C19orf47: variants seen among roughly 807,000 people sequenced by gnomAD.
C19orf47 encodes chromosome 19 open reading frame 47.
A neutral mutation model predicts 32.3 loss-of-function variants in C19orf47; 18 were observed. That is an observed-to-expected ratio of 0.56 (90% CI 0.39 to 0.83). The LOEUF (loss-of-function observed/expected upper bound fraction) is 0.83, where lower values mean the gene tolerates loss of function less well. Ranked by LOEUF, C19orf47 falls within the 40% of genes least tolerant of loss-of-function variation. C19orf47 has a pLI of 0.00. For missense variants in C19orf47, 484 were observed against 531.6 expected (o/e 0.91, Z 0.88); for synonymous variants, 202 against 211.1 (o/e 0.96, Z 0.37).
At chr19:40,336,438 A>G in intron 2 of C19orf47, 31 bp from the exon 3 acceptor site, 1 of 1,572,350 alleles carries the variant, frequency 6.4e-7, no homozygotes, top group Non-Finnish European at 8.7e-7. Context: ...CATTACTCAC[A>G]CTGTCCTCTT....
At chr19:40,305,259 C>G in the C19orf47 span, among the ~76,000 whole-genome samples, 1 of 151,682 alleles carries the variant, frequency 6.6e-6, no homozygotes, top group Non-Finnish European at 1.5e-5. Context: ...AGGAGAATCG[C>G]TTGAACCTGG....
chr19:40,328,917 C>T (rs776238947), intron 5 of C19orf47, among the ~76,000 whole-genome samples: 11 of 152,144 alleles, frequency 7.2e-5, no homozygotes, highest in Non-Finnish European at 1.3e-4. Flanking sequence ...TAGGCGCTTC[C>T]TCAGGGTCCC....
At chr19:40,298,301 CAAAAAAAAAA>C in the C19orf47 span, among the ~76,000 whole-genome samples, 1 of 71,066 alleles carries the variant, frequency 1.4e-5, no homozygotes, top group Non-Finnish European at 3.1e-5. Flanking sequence ...AACATTGTCT[CAAAAAAAAAA>C]AAAAAAAAGA....
chr19:40,294,327 G>A, the C19orf47 span, among the ~76,000 whole-genome samples: 3 of 152,186 alleles, frequency 2.0e-5, no homozygotes, highest in Non-Finnish European at 1.5e-5. Flanking sequence ...AGATAGGTAA[G>A]GGTCTCTTTG....
the C19orf47 span, among the ~76,000 whole-genome samples, chr19:40,296,750 C>T: frequency 1.3e-5 from 2 of 151,678 alleles, no homozygotes; most frequent in African/African-American, 4.8e-5. Flanking sequence ...CCCATCTCTA[C>T]TAAAAATACA....
At chr19:40,343,742 T>C (rs774339882) in intron 1 of C19orf47, 1 of 151,322 alleles carries the variant, frequency 6.6e-6, no homozygotes, top group African/African-American at 2.4e-5. Context: ...CATATGAGAC[T>C]CTCTTCTCTA....
In C19orf47 at chr19:40,343,469, A is replaced by G. The variant is rs1276991019; in HGVS notation, c.-33-1579T>C. The G allele has an allele frequency of 2.6e-5, 4 of 152,180 alleles. No individual in the cohort carries two copies. In the East Asian group the frequency reaches 7.7e-4, roughly 29 times the overall value. 9.4% of individuals were successfully genotyped at this position (152,180 alleles called of 1,614,324 possible). On this transcript the variant is annotated intron_variant, in intron 1 of 8. Coordinates refer to ENST00000683109, the MANE Select transcript of C19orf47 (RefSeq NM_001256441.2). The stretch of plus-strand genomic sequence containing the variant: ...TGTGAATTGGGAGGGTGCAAACATG[A>G]CTTACCTTAGAGGACTGCTATAAGG...
intron 1 of C19orf47, among the ~76,000 whole-genome samples, chr19:40,344,394 G>A (rs548024457): frequency 9.0e-4 from 137 of 151,994 alleles, no homozygotes; most frequent in Middle Eastern, 6.8e-3. Context: ...CAGGAGAATC[G>A]CTTGAACCCG....
chr19:40,331,076 C>T (rs1045942472), intron 5 of C19orf47, among the ~76,000 whole-genome samples: 1 of 152,158 alleles, frequency 6.6e-6, no homozygotes, highest in Non-Finnish European at 1.5e-5. Context: ...GTTGCAGAAA[C>T]GAACCCTAAT....
chr19:40,340,719 G>GCC (rs2078160312), intron 2 of C19orf47, among the ~76,000 whole-genome samples: 1 of 142,806 alleles, frequency 7.0e-6, no homozygotes, highest in African/African-American at 2.6e-5. Flanking sequence ...TGGCTCACAT[G>GCC]TGTAATCCCA....
At chr19:40,317,129 G>A (rs190791292), downstream of C19orf47, among the ~76,000 whole-genome samples, 83 of 150,228 alleles carry the variant, frequency 5.5e-4, no homozygotes, top group Admixed American at 1.1e-3. Context: ...TTTTTTTTTC[G>A]AGACAAGAGT....
At chr19:40,327,614 C>A (rs1421707406) in intron 6 of C19orf47, among the ~76,000 whole-genome samples, 1 of 152,124 alleles carries the variant, frequency 6.6e-6, no homozygotes. Flanking sequence ...TCAGTTTCCA[C>A]ATTTGCCTTA....
the C19orf47 span, among the ~76,000 whole-genome samples, chr19:40,310,023 C>T: frequency 6.6e-6 from 1 of 152,092 alleles, no homozygotes; most frequent in South Asian, 2.1e-4. Context: ...AGGGTATATA[C>T]CCAAGAGAAT....
At chr19:40,326,020 G>A (rs750126926) in intron 7 of C19orf47, among the ~76,000 whole-genome samples, 27 of 152,312 alleles carry the variant, frequency 1.8e-4, no homozygotes, top group African/African-American at 6.3e-4. Flanking sequence ...TCATATTAAC[G>A]GTGCCACTTT....
the C19orf47 span, among the ~76,000 whole-genome samples, chr19:40,298,444 A>G: frequency 6.6e-6 from 1 of 152,218 alleles, no homozygotes; most frequent in Non-Finnish European, 1.5e-5. Context: ...ACAAAATACT[A>G]AAGCATTCAT....
chr19:40,294,279 G>GC, the C19orf47 span, among the ~76,000 whole-genome samples: 23 of 152,242 alleles, frequency 1.5e-4, no homozygotes, highest in Admixed American at 1.2e-3. Context: ...TACCACATTA[G>GC]CCCCCCAGAT....
intron 8 of C19orf47, among the ~76,000 whole-genome samples, 165 bp downstream of exon 8, chr19:40,323,841 A>C (rs1600168897): frequency 6.6e-6 from 1 of 152,184 alleles, no homozygotes. Flanking sequence ...GCCAGGGCAG[A>C]AGACAGATGG....
At chr19:40,348,462 G>C (rs952249470), upstream of C19orf47, 2 of 1,499,330 alleles carry the variant, frequency 1.3e-6, no homozygotes, top group African/African-American at 1.4e-5. Context: ...TGACTCGTCC[G>C]CGGCCGCTCT....
chr19:40,325,885 C>T (rs951572931), intron 7 of C19orf47, among the ~76,000 whole-genome samples: 1 of 152,194 alleles, frequency 6.6e-6, no homozygotes, highest in African/African-American at 2.4e-5. Flanking sequence ...AGCAATCTTC[C>T]CACCTCAGAC....
Sources: allele counts gnomAD v4.1 joint callset (sites outside exome capture counted in the v4.1 genomes callset), GRCh38; gene constraint gnomAD v4.1.1; transcripts MANE v1.5; gene names NCBI Gene and HGNC (gene_info 2026-07-23, HGNC 2026-07-21).